The following OSBPL9 variants were observed in gnomAD, a reference collection of about 807,000 sequenced individuals.
OSBPL9 encodes oxysterol-binding protein-related protein 9.
A neutral mutation model predicts 106.6 loss-of-function variants in OSBPL9; 40 were observed. The ratio of observed to expected loss-of-function variants is 0.38; its 90% CI spans 0.29 to 0.49. The LOEUF (loss-of-function observed/expected upper bound fraction) is 0.49, where lower values mean the gene tolerates loss of function less well. Ranked by LOEUF, OSBPL9 falls within the 20% of genes least tolerant of loss-of-function variation. The pLI, the probability that OSBPL9 is intolerant of heterozygous loss-of-function variation, is 0.97. For missense variants in OSBPL9, 609 were observed against 887.2 expected (o/e 0.69, Z 3.98); for synonymous variants, 269 against 295.4 (o/e 0.91, Z 0.92).
At chr1:51,672,341 C>A (rs1650076143) in intron 3 of OSBPL9, among the ~76,000 whole-genome samples, 1 of 152,142 alleles carries the variant, frequency 6.6e-6, no homozygotes, top group Non-Finnish European at 1.5e-5. Flanking sequence ...TGTTTAATCA[C>A]CTTTATTGAG....
intron 1 of OSBPL9, among the ~76,000 whole-genome samples, chr1:51,595,103 C>T (rs527790456): frequency 2.0e-5 from 3 of 152,276 alleles, no homozygotes; most frequent in Admixed American, 1.3e-4. Context: ...GCCCTCCATT[C>T]GAGGCCTGGG....
chr1:51,611,167 ACT>A (rs1286395642), intron 2 of OSBPL9, among the ~76,000 whole-genome samples: 6 of 151,466 alleles, frequency 4.0e-5, no homozygotes, highest in African/African-American at 7.3e-5. Flanking sequence ...CCCTTTCTCA[ACT>A]CTCTTTTGCC....
chr1:51,719,742 A>G (rs1661720862), intron 4 of OSBPL9, among the ~76,000 whole-genome samples: 1 of 152,240 alleles, frequency 6.6e-6, no homozygotes. Context: ...GCAAACATAA[A>G]GCCAGGTGTA....
chr1:51,767,936 CTTT>C lies in OSBPL9; in HGVS notation c.938+1980_938+1982del, dbSNP rs869092922. Among the ~76,000 whole-genome samples the C allele has an allele frequency of 4.4e-3, 285 of 65,038 alleles. 1 individual carries two copies. Among genetic ancestry groups the C allele is most frequent in the African/African-American group, 0.016 (272 of 16,716 alleles). 42.7% of individuals were successfully genotyped at this position (65,038 alleles called of 152,430 possible). A position where few individuals can be genotyped will look rare whatever the true frequency, so the allele number is the denominator to read the frequency against. ...TATTTAAAAGAGAATTAAAGACCGT[CTTT>C]TTTTTTTTTTTTTTTTTTTTTTTTG... is the stretch of plus-strand genomic sequence containing the variant. On this transcript the variant is annotated intron_variant, in intron 12 of 23. Transcript: ENST00000428468.
intron 1 of OSBPL9, among the ~76,000 whole-genome samples, chr1:51,641,713 A>G (rs1172022174): frequency 2.6e-5 from 4 of 152,202 alleles, no homozygotes; most frequent in Non-Finnish European, 4.4e-5. Context: ...TGTGTTGATT[A>G]TATCACCAAC....
intron 18 of OSBPL9, 39 bp downstream of exon 18, chr1:51,784,064 G>A (rs2149156258): frequency 6.5e-7 from 1 of 1,541,234 alleles, no homozygotes; most frequent in East Asian, 2.2e-5. Context: ...AATGTTATAG[G>A]AGAATTTTAT....
At chr1:51,674,984 T>C (rs1650827715) in intron 3 of OSBPL9, among the ~76,000 whole-genome samples, 1 of 152,238 alleles carries the variant, frequency 6.6e-6, no homozygotes, top group Non-Finnish European at 1.5e-5. Context: ...AAAGCCATCC[T>C]GTGCTACATG....
chr1:51,641,024 A>G (rs1362979832), intron 1 of OSBPL9, among the ~76,000 whole-genome samples: 1 of 152,002 alleles, frequency 6.6e-6, no homozygotes, highest in Admixed American at 6.6e-5. Context: ...CCTGGCCTGA[A>G]GTGATCCCCC....
At chr1:51,663,881 G>A (rs977354751) in intron 2 of OSBPL9, among the ~76,000 whole-genome samples, 1 of 152,180 alleles carries the variant, frequency 6.6e-6, no homozygotes, top group Non-Finnish European at 1.5e-5. Context: ...CAGAAACCAT[G>A]AAAACATACT....
intron 4 of OSBPL9, among the ~76,000 whole-genome samples, chr1:51,728,767 TCCCAGCCTCC>T: frequency 6.6e-6 from 1 of 152,226 alleles, no homozygotes; most frequent in East Asian, 1.9e-4. Context: ...CCCCCGCCTC[TCCCAGCCTCC>T]GCCTCCCAAA....
intron 2 of OSBPL9, among the ~76,000 whole-genome samples, chr1:51,655,575 A>C (rs1221864489): frequency 1.3e-5 from 2 of 151,844 alleles, no homozygotes; most frequent in Non-Finnish European, 2.9e-5. Flanking sequence ...TAACATAATT[A>C]CTCCTGCGAT....
intron 3 of OSBPL9, among the ~76,000 whole-genome samples, chr1:51,684,300 A>G (rs1280744405): frequency 3.3e-5 from 5 of 151,890 alleles, no homozygotes; most frequent in Non-Finnish European, 7.4e-5. Flanking sequence ...CGAGCCATGA[A>G]GAGATCTGTT....
At chr1:51,767,074 G>A (rs150881338) in intron 12 of OSBPL9, among the ~76,000 whole-genome samples, 332 of 151,786 alleles carry the variant, frequency 2.2e-3, no homozygotes, top group Middle Eastern at 0.014. Flanking sequence ...GCAAGACTCT[G>A]TTTCCAAACA....
chr1:51,653,692 A>T (rs1016505011), intron 2 of OSBPL9, among the ~76,000 whole-genome samples: 1 of 152,130 alleles, frequency 6.6e-6, no homozygotes, highest in Non-Finnish European at 1.5e-5. Flanking sequence ...TTTGTTTACA[A>T]TTTGTCTGTT....
At position 51,625,451 on chromosome 1, in the gene OSBPL9, TACAG is replaced by T. The variant is rs1449462764; in HGVS notation, c.111+8234_111+8237del. ...ATTTCTTTTACTGTTTATAGAGAAATACAGACAAAGAAATGGCCACCCCAATCAA... is the reference window on the plus strand; with the variant it reads ...ATTTCTTTTACTGTTTATAGAGAAATACAAAGAAATGGCCACCCCAATCAA... On this transcript the variant is annotated intron_variant, in intron 1 of 23. Coordinates refer to ENST00000428468, the MANE Select transcript of OSBPL9 (RefSeq NM_024586.6). Among the ~76,000 whole-genome samples, 9 of 152,108 alleles carry T rather than the reference TACAG, an allele frequency of 5.9e-5. No individual in the cohort carries two copies. In the South Asian group the frequency reaches 8.3e-4, roughly 14 times the overall value.
At chr1:51,704,439 T>G (rs1045891839) in intron 3 of OSBPL9, among the ~76,000 whole-genome samples, 3 of 152,246 alleles carry the variant, frequency 2.0e-5, no homozygotes, top group Non-Finnish European at 4.4e-5. Context: ...GAGGTGTTTA[T>G]AGTATTCTCT....
At chr1:51,568,421 A>G in the OSBPL9 span, among the ~76,000 whole-genome samples, 1 of 152,258 alleles carries the variant, frequency 6.6e-6, no homozygotes, top group Non-Finnish European at 1.5e-5. Context: ...AAGGCTACCT[A>G]GAAACAGAGC....
At chr1:51,762,726 G>A (rs916088130) in intron 11 of OSBPL9, among the ~76,000 whole-genome samples, 3 of 152,196 alleles carry the variant, frequency 2.0e-5, no homozygotes, top group Admixed American at 6.5e-5. Flanking sequence ...TAGGTTATGT[G>A]TTTCTGTGAC....
At chr1:51,711,343 C>T (rs1405860368) in intron 3 of OSBPL9, among the ~76,000 whole-genome samples, 7 of 146,714 alleles carry the variant, frequency 4.8e-5, no homozygotes, top group African/African-American at 7.6e-5. Flanking sequence ...GGGCTGACCC[C>T]CCCACCTCCC....
Sources: allele counts gnomAD v4.1 joint callset (sites outside exome capture counted in the v4.1 genomes callset), GRCh38; gene constraint gnomAD v4.1.1; transcripts MANE v1.5; gene names NCBI Gene and HGNC (gene_info 2026-07-23, HGNC 2026-07-21).